ARHGEF3: variants seen among roughly 807,000 people sequenced by gnomAD.
The protein encoded by ARHGEF3 is 59.8 kDA protein.
In ARHGEF3, 28 loss-of-function variants were observed where a neutral mutation model predicts 63.2. That is an observed-to-expected ratio of 0.44 (90% CI 0.33 to 0.61). The LOEUF is 0.61. Ranked by LOEUF, ARHGEF3 falls within the 20% of genes least tolerant of loss-of-function variation. ARHGEF3 has a pLI of 0.03. For synonymous variants in ARHGEF3, 266 were observed against 254.2 expected (o/e 1.05, Z -0.44); for missense variants, 533 against 659.3 (o/e 0.81, Z 2.10).
chr3:56,854,079 C>T (rs2039780452), intron 4 of ARHGEF3, among the ~76,000 whole-genome samples: 1 of 152,094 alleles, frequency 6.6e-6, no homozygotes, highest in African/African-American at 2.4e-5. Context: ...CCTGCAGTCC[C>T]AGCTACTGGG....
intron 1 of ARHGEF3, among the ~76,000 whole-genome samples, chr3:57,035,985 C>G (rs557637026): frequency 3.0e-4 from 45 of 152,304 alleles, no homozygotes; most frequent in African/African-American, 1.1e-3. Context: ...GTCATCCCAG[C>G]TGGGAATATG....
chr3:56,887,943 C>T (rs924505), intron 3 of ARHGEF3, among the ~76,000 whole-genome samples: 44,101 of 151,986 alleles, frequency 0.29, 7,581 homozygotes, highest in East Asian at 0.53. Context: ...GAGGTGACAC[C>T]TTTCCCTTTC....
At chr3:57,002,108 A>G (rs896955711) in intron 2 of ARHGEF3, among the ~76,000 whole-genome samples, 3 of 151,640 alleles carry the variant, frequency 2.0e-5, no homozygotes, top group African/African-American at 7.3e-5. Flanking sequence ...TATTTTTAGT[A>G]GAGACAGGGT....
At chr3:57,025,206 G>A (rs538534423) in intron 2 of ARHGEF3, among the ~76,000 whole-genome samples, 1 of 152,336 alleles carries the variant, frequency 6.6e-6, no homozygotes, top group East Asian at 1.9e-4. Context: ...GGAATGGGCC[G>A]AGATGAGTAG....
chr3:57,004,941 C>T (rs1702411160), intron 2 of ARHGEF3, among the ~76,000 whole-genome samples: 1 of 151,814 alleles, frequency 6.6e-6, no homozygotes, highest in Non-Finnish European at 1.5e-5. Context: ...GCCTGAGTGA[C>T]AGAGCAAGAC....
chr3:56,983,722 G>A (rs938894180), intron 2 of ARHGEF3, among the ~76,000 whole-genome samples: 9 of 152,220 alleles, frequency 5.9e-5, no homozygotes, highest in Admixed American at 4.6e-4. Flanking sequence ...CGGATCATGA[G>A]GTCAGGAGAT....
chr3:57,008,565 C>T (rs1036901727), intron 2 of ARHGEF3, among the ~76,000 whole-genome samples: 1 of 152,022 alleles, frequency 6.6e-6, no homozygotes, highest in African/African-American at 2.4e-5. Flanking sequence ...CAACTTCTGT[C>T]TCCCAGGTTC....
intron 2 of ARHGEF3, among the ~76,000 whole-genome samples, chr3:56,974,398 G>A (rs548202342): frequency 6.6e-6 from 1 of 152,262 alleles, no homozygotes; most frequent in South Asian, 2.1e-4. Flanking sequence ...CAAAAAAAGT[G>A]TTTCCCAGTT....
intron 4 of ARHGEF3, among the ~76,000 whole-genome samples, chr3:56,863,220 C>T (rs1482649744): frequency 6.6e-6 from 1 of 152,020 alleles, no homozygotes; most frequent in African/African-American, 2.4e-5. Flanking sequence ...ACACTATAAC[C>T]TCCGCCTCCC....
At chr3:56,806,949 A>G (rs139664720), upstream of ARHGEF3, among the ~76,000 whole-genome samples, 1 of 151,038 alleles carries the variant, frequency 6.6e-6, no homozygotes, top group Non-Finnish European at 1.5e-5. Flanking sequence ...CAGTGGTGTG[A>G]TCTTGCTCAC....
At chr3:56,807,563 T>C (rs958360391) in intron 4 of ARHGEF3, among the ~76,000 whole-genome samples, 1 of 152,162 alleles carries the variant, frequency 6.6e-6, no homozygotes, top group African/African-American at 2.4e-5. Flanking sequence ...CACATGAGTG[T>C]TGCAACACCT....
intron 4 of ARHGEF3, among the ~76,000 whole-genome samples, chr3:56,816,297 G>C (rs1161807123): frequency 6.6e-6 from 1 of 152,176 alleles, no homozygotes; most frequent in Non-Finnish European, 1.5e-5. Context: ...TGAGGGTTCT[G>C]TGCAACCCTG....
Position 56,729,123 on chromosome 3 carries a change from G to A in ARHGEF3, c.*147C>T, listed in dbSNP as rs905173312. ...ACAGATTGGCAGTTACAGTACTAGGGACAAAGGTACAGATACGAGAGACTG... is the reference window on the plus strand; with the variant it reads ...ACAGATTGGCAGTTACAGTACTAGGAACAAAGGTACAGATACGAGAGACTG... On this transcript the variant is annotated 3_prime_UTR_variant, in exon 10 of 10. Transcript: ENST00000296315. The A allele has an allele frequency of 1.3e-5, 9 of 683,018 alleles. No homozygotes were observed. Among genetic ancestry groups the A allele is most frequent in the Non-Finnish European group, 2.2e-5 (9 of 413,156 alleles). 42.3% of individuals were successfully genotyped at this position (683,018 alleles called of 1,614,324 possible). A position where few individuals can be genotyped will look rare whatever the true frequency, so the allele number is the denominator to read the frequency against.
chr3:56,905,069 G>A (rs1211103101), intron 3 of ARHGEF3, among the ~76,000 whole-genome samples: 1 of 152,160 alleles, frequency 6.6e-6, no homozygotes, highest in Non-Finnish European at 1.5e-5. Flanking sequence ...CCTCCTGCCT[G>A]AAGGACTCCT....
intron 1 of ARHGEF3, among the ~76,000 whole-genome samples, chr3:56,774,147 T>C (rs542096643): frequency 6.6e-6 from 1 of 152,316 alleles, no homozygotes; most frequent in South Asian, 2.1e-4. Context: ...ACCCCTTCTG[T>C]AGAGAAAAGC....
At chr3:56,838,737 C>T (rs991938556) in intron 4 of ARHGEF3, among the ~76,000 whole-genome samples, 5 of 152,038 alleles carry the variant, frequency 3.3e-5, no homozygotes, top group East Asian at 1.9e-4. Flanking sequence ...CACAAATTCC[C>T]GGGACCAAAC....
At chr3:56,928,526 T>G (rs1253181116) in intron 3 of ARHGEF3, among the ~76,000 whole-genome samples, 2 of 152,140 alleles carry the variant, frequency 1.3e-5, no homozygotes, top group East Asian at 1.9e-4. Flanking sequence ...AAAATGACCA[T>G]GGGGGCTGAG....
At chr3:57,016,768 C>A (rs542060836) in intron 2 of ARHGEF3, among the ~76,000 whole-genome samples, 15 of 151,914 alleles carry the variant, frequency 9.9e-5, no homozygotes, top group African/African-American at 1.9e-4. Context: ...TGCTCTTGGT[C>A]CCCCCCAGGT....
intron 7 of ARHGEF3, among the ~76,000 whole-genome samples, chr3:56,742,442 C>T (rs976381981): frequency 1.9e-4 from 29 of 152,160 alleles, no homozygotes; most frequent in African/African-American, 7.0e-4. Context: ...TAGATCTAAT[C>T]ATAGGTATGA....
Sources: gnomAD v4.1 joint callset for allele counts (sites outside exome capture counted in the v4.1 genomes callset) on GRCh38, gnomAD v4.1.1 for gene constraint, MANE v1.5 for transcripts, NCBI Gene and HGNC (gene_info 2026-07-23, HGNC 2026-07-21) for gene names.